The following ABI3BP variants were observed in gnomAD, a reference collection of about 807,000 sequenced individuals.
The protein encoded by ABI3BP is target of Nesh-SH3.
A neutral mutation model predicts 268.6 loss-of-function variants in ABI3BP; 216 were observed. The ratio of observed to expected loss-of-function variants is 0.80; its 90% CI spans 0.72 to 0.90. ABI3BP has a LOEUF of 0.90. Among genes scored for constraint, ABI3BP ranks in the 40% least tolerant of loss-of-function variants. The probability of loss-of-function intolerance (pLI) is 0.00; values close to 1 mark genes in which losing one functional copy is unlikely to be tolerated. For missense variants in ABI3BP, 2,090 were observed against 2,182.4 expected (o/e 0.96, Z 0.84); for synonymous variants, 730 against 730.0 (o/e 1.00, Z 0.00).
In ABI3BP at chr3:100,851,874, CCTGTGTAGGAAT is replaced by C. The variant is rs2098844005; in HGVS notation, c.1340_1351del (p.Asp447_Thr450del). The stretch of plus-strand genomic sequence containing the variant: ...AGACAGAATTGAGAGGCCAGATATA[CCTGTGTAGGAAT>C]CTGATATCTCAGGCTCATCTGATGT... On this transcript the variant is annotated inframe_deletion and splice_region_variant, in exon 15 of 68. Transcript: ENST00000471714. 6 of 1,591,052 alleles carry C rather than the reference CCTGTGTAGGAAT, an allele frequency of 3.8e-6. No individual in the cohort carries two copies. The highest frequency in any genetic ancestry group is 5.1e-6 in the Non-Finnish European group (6 of 1,169,502).
chr3:100,933,603 C>T lies in ABI3BP; in HGVS notation c.80-7122G>A, dbSNP rs947541888. ...AAGAACTAACAAGAAAAAAAAAAGG[C>T]AAGCTACCCATTGGGAGACAATATT... On this transcript the variant is annotated intron_variant, in intron 1 of 67. Transcript: ENST00000471714. Among the ~76,000 whole-genome samples, 4 of 142,698 alleles carry T rather than the reference C, an allele frequency of 2.8e-5. 1 individual carries two copies. The highest frequency in any genetic ancestry group is 1.0e-4 in the African/African-American group (4 of 38,716). The allele number at this position is 142,698 out of a possible 152,430, so 93.6% of individuals were successfully genotyped here.
chr3:100,927,718 C>T (rs965731925), intron 1 of ABI3BP, among the ~76,000 whole-genome samples: 2 of 152,090 alleles, frequency 1.3e-5, no homozygotes, highest in Non-Finnish European at 2.9e-5. Flanking sequence ...TTAGAAACCA[C>T]CCTTGTGATC....
chr3:100,876,880 T>TG, intron 6 of ABI3BP, among the ~76,000 whole-genome samples: 1 of 151,734 alleles, frequency 6.6e-6, no homozygotes, highest in East Asian at 1.9e-4. Flanking sequence ...CTCAGCTACT[T>TG]GGGAGGCTAA....
chr3:100,824,889 T>G lies in ABI3BP; in HGVS notation c.2715A>C (p.Thr905=), dbSNP rs1399810139. The change falls in exon 36 of 68, where the codon ACA becomes ACC. Residue 905 remains threonine (T), a synonymous_variant. Transcript: ENST00000471714. ...TGGTCTCAGGTGCCTGAGGGCTCGGTGTAGTTTTAGGTCTGGGACGTGGAG... is the reference window on the plus strand; with the variant it reads ...TGGTCTCAGGTGCCTGAGGGCTCGGGGTAGTTTTAGGTCTGGGACGTGGAG... The part of the protein sequence containing the change: ...TRPPRPRPKT[T]PSPQAPETKP... 6.5e-7 allele frequency: 1 copy of G among 1,536,008 alleles called. No individual in the cohort carries two copies. Among genetic ancestry groups the G allele is most frequent in the Middle Eastern group, 1.7e-4 (1 of 5,994 alleles).
chr3:100,800,691 G>A (rs1421149196), intron 51 of ABI3BP, among the ~76,000 whole-genome samples: 2 of 152,160 alleles, frequency 1.3e-5, no homozygotes. Context: ...ATGTTAGCCA[G>A]AATGGTCTTG....
intron 2 of ABI3BP, among the ~76,000 whole-genome samples, chr3:100,909,799 AAC>A (rs1221308229): frequency 3.3e-5 from 5 of 152,228 alleles, no homozygotes; most frequent in African/African-American, 9.6e-5. Context: ...GAGAAATAGG[AAC>A]ACTTTTACAC....
At position 100,749,403 on chromosome 3, in the gene ABI3BP, A is replaced by G. The variant is rs185165011; in HGVS notation, c.*1092T>C. 1.7e-4 allele frequency: 62 copies of G among 375,268 alleles called. No homozygotes were observed. In the East Asian group the frequency reaches 2.4e-3, roughly 14 times the overall value. 23.2% of individuals were successfully genotyped at this position (375,268 alleles called of 1,614,324 possible). On this transcript the variant is annotated 3_prime_UTR_variant, in exon 68 of 68. Transcript: ENST00000471714. Reference sequence around the variant, plus strand: ...TTGAAAAATACAAAATGTAGCGTTGATAAGATTGAAGCATGTTGAAAGGTA... The same window carrying G: ...TTGAAAAATACAAAATGTAGCGTTGGTAAGATTGAAGCATGTTGAAAGGTA...
At chr3:100,868,571 T>G (rs2099077044) in intron 9 of ABI3BP, among the ~76,000 whole-genome samples, 1 of 152,220 alleles carries the variant, frequency 6.6e-6, no homozygotes, top group African/African-American at 2.4e-5. Context: ...GAAAGTCATC[T>G]TTCACGACGT....
intron 59 of ABI3BP, among the ~76,000 whole-genome samples, chr3:100,775,828 T>C (rs2096685117): frequency 6.6e-6 from 1 of 152,066 alleles, no homozygotes; most frequent in African/African-American, 2.4e-5. Flanking sequence ...ATGAAAGAAG[T>C]TGAATACCAT....
chr3:100,909,391 A>G (rs2055154312), intron 2 of ABI3BP, among the ~76,000 whole-genome samples: 1 of 152,142 alleles, frequency 6.6e-6, no homozygotes, highest in Non-Finnish European at 1.5e-5. Flanking sequence ...ATGGCAAAAA[A>G]AAAAAGCCAA....
chr3:100,975,432 G>A (rs761677369), intron 1 of ABI3BP, among the ~76,000 whole-genome samples: 15 of 152,054 alleles, frequency 9.9e-5, no homozygotes, highest in Non-Finnish European at 1.8e-4. Flanking sequence ...AAGGATGAAG[G>A]AGCTCCCCAT....
chr3:100,960,818 G>A (rs2153817052), intron 1 of ABI3BP, among the ~76,000 whole-genome samples: 1 of 152,268 alleles, frequency 6.6e-6, no homozygotes, highest in South Asian at 2.1e-4. Context: ...ATGACCAGGT[G>A]AAACTTACTT....
At chr3:100,867,497 C>T (rs1229698406) in intron 9 of ABI3BP, among the ~76,000 whole-genome samples, 1 of 151,488 alleles carries the variant, frequency 6.6e-6, no homozygotes, top group African/African-American at 2.4e-5. Context: ...AAAAATTAGC[C>T]GGGTGTGGTG....
At chr3:100,767,908 C>CA (rs1434477610) in intron 62 of ABI3BP, among the ~76,000 whole-genome samples, 2 of 152,010 alleles carry the variant, frequency 1.3e-5, no homozygotes, top group Non-Finnish European at 2.9e-5. Context: ...GCTAAATCAC[C>CA]AAAAGAACAA....
chr3:100,940,951 A>C (rs943152569), intron 1 of ABI3BP, among the ~76,000 whole-genome samples: 1 of 148,026 alleles, frequency 6.8e-6, no homozygotes, highest in African/African-American at 2.5e-5. Context: ...TGTTCTATAA[A>C]CACAAATCAG....
chr3:100,864,807 GAA>G (rs10711419), intron 11 of ABI3BP, 24 bp downstream of exon 11: 191 of 1,334,352 alleles, frequency 1.4e-4, no homozygotes, highest in Middle Eastern at 5.6e-4. Flanking sequence ...TGTTTTTTTA[GAA>G]AAAAAAAAAG....
intron 2 of ABI3BP, among the ~76,000 whole-genome samples, chr3:100,908,593 AG>A (rs1414452233): frequency 7.2e-5 from 11 of 152,140 alleles, no homozygotes; most frequent in African/African-American, 2.4e-4. Flanking sequence ...AAAAATCACA[AG>A]CGTTCTTATA....
intron 51 of ABI3BP, among the ~76,000 whole-genome samples, chr3:100,803,135 A>G (rs1311443674): frequency 6.8e-6 from 1 of 146,058 alleles, no homozygotes; most frequent in Non-Finnish European, 1.6e-5. Context: ...GGAGCTGGAG[A>G]GGTGACAGAA....
intron 17 of ABI3BP, among the ~76,000 whole-genome samples, chr3:100,849,224 C>CT (rs547312079): frequency 0.072 from 9,067 of 125,412 alleles, 540 homozygotes; most frequent in African/African-American, 0.11. Flanking sequence ...TTTGGAACTA[C>CT]TTTTTTTTTT....
Sources: allele counts gnomAD v4.1 joint callset (sites outside exome capture counted in the v4.1 genomes callset), GRCh38; gene constraint gnomAD v4.1.1; transcripts MANE v1.5; gene names NCBI Gene and HGNC (gene_info 2026-07-23, HGNC 2026-07-21).